The following LCORL variants were observed in gnomAD, a reference collection of about 807,000 sequenced individuals.
The protein encoded by LCORL is ligand-dependent nuclear receptor corepressor-like protein.
Under a neutral mutation model 141.8 loss-of-function variants are expected in LCORL, and 41 were observed. The observed-to-expected ratio is 0.29, with a 90% CI of 0.23 to 0.38. The LOEUF (loss-of-function observed/expected upper bound fraction) is 0.38. Among genes scored for constraint, LCORL ranks in the 10% least tolerant of loss-of-function variants. The probability of loss-of-function intolerance (pLI) is 1.00; values close to 1 mark genes in which losing one functional copy is unlikely to be tolerated. For synonymous variants in LCORL, 618 were observed against 694.1 expected (o/e 0.89, Z 1.72); for missense variants, 1,759 against 2,035.0 (o/e 0.86, Z 2.61).
exon 3 of LCORL, chr4:17,962,973 G>A: frequency 6.4e-7 from 1 of 1,559,922 alleles, no homozygotes; most frequent in Non-Finnish European, 8.7e-7. Flanking sequence ...AACTTACACT[G>A]ACTGCTTCTC....
At chr4:17,851,757 C>T (rs1015246097) in intron 7 of LCORL, among the ~76,000 whole-genome samples, 15 of 152,106 alleles carry the variant, frequency 9.9e-5, no homozygotes, top group African/African-American at 1.7e-4. Flanking sequence ...AAGTGCCCTT[C>T]GGAGACTGTA....
intron 5 of LCORL, among the ~76,000 whole-genome samples, chr4:17,888,521 C>T (rs1484774673): frequency 3.9e-5 from 6 of 152,146 alleles, no homozygotes; most frequent in Non-Finnish European, 8.8e-5. Context: ...CAAACTTCTA[C>T]TCATCAAACT....
At chr4:17,902,471 C>T (rs1731037192) in intron 5 of LCORL, among the ~76,000 whole-genome samples, 1 of 152,060 alleles carries the variant, frequency 6.6e-6, no homozygotes, top group Non-Finnish European at 1.5e-5. Flanking sequence ...CATAGAAAAA[C>T]AAGATAGACA....
At chr4:18,013,864 A>G (rs1724205550) in intron 1 of LCORL, among the ~76,000 whole-genome samples, 1 of 151,686 alleles carries the variant, frequency 6.6e-6, no homozygotes, top group Admixed American at 6.6e-5. Flanking sequence ...GCTGGAGTAC[A>G]GTTGCATGAT....
At chr4:17,913,428 G>C (rs1284623967) in intron 4 of LCORL, among the ~76,000 whole-genome samples, 1 of 152,190 alleles carries the variant, frequency 6.6e-6, no homozygotes, top group Non-Finnish European at 1.5e-5. Context: ...CACAATTAAA[G>C]CAATGGCTAC....
At chr4:17,911,516 C>G (rs568730439) in intron 4 of LCORL, among the ~76,000 whole-genome samples, 2 of 152,290 alleles carry the variant, frequency 1.3e-5, no homozygotes, top group Admixed American at 6.5e-5. Flanking sequence ...CAAATATTAA[C>G]TACACGGTAA....
chr4:17,940,482 A>AT (rs1423986356), intron 4 of LCORL, among the ~76,000 whole-genome samples: 1 of 121,770 alleles, frequency 8.2e-6, no homozygotes, highest in Non-Finnish European at 1.7e-5. Flanking sequence ...TATGTAATAT[A>AT]TATGTATTAT....
At chr4:17,890,208 A>G (rs1385310800) in intron 5 of LCORL, among the ~76,000 whole-genome samples, 1 of 152,130 alleles carries the variant, frequency 6.6e-6, no homozygotes, top group Non-Finnish European at 1.5e-5. Flanking sequence ...TGAACAATAG[A>G]TATTACCAAA....
chr4:17,842,001 AAC>A (rs1722458269), exon 8 of LCORL: 4 of 245,424 alleles, frequency 1.6e-5, no homozygotes, highest in Middle Eastern at 1.4e-3. Context: ...ACTTCATTAT[AAC>A]ACATTTTTCA....
At chr4:18,010,905 T>C (rs1723661864) in intron 1 of LCORL, among the ~76,000 whole-genome samples, 1 of 152,194 alleles carries the variant, frequency 6.6e-6, no homozygotes, top group East Asian at 1.9e-4. Context: ...GCTCCTGGTT[T>C]CTATGAGGAA....
chr4:17,853,397 A>G (rs1724000390), intron 7 of LCORL, among the ~76,000 whole-genome samples: 1 of 152,154 alleles, frequency 6.6e-6, no homozygotes, highest in South Asian at 2.1e-4. Context: ...TCCTCATGGC[A>G]TTAACTAAAT....
intron 1 of LCORL, among the ~76,000 whole-genome samples, chr4:17,996,147 T>C (rs893084527): frequency 9.9e-5 from 15 of 152,116 alleles, no homozygotes; most frequent in South Asian, 2.1e-4. Flanking sequence ...CCTAAGTTCT[T>C]AGGCACAAAT....
At chr4:17,991,826 A>T (rs1434165640) in intron 1 of LCORL, among the ~76,000 whole-genome samples, 2 of 152,214 alleles carry the variant, frequency 1.3e-5, no homozygotes, top group Non-Finnish European at 2.9e-5. Context: ...ATATTTTCTA[A>T]TACCCGCTAA....
intron 5 of LCORL, among the ~76,000 whole-genome samples, chr4:17,903,198 G>C (rs766843606): frequency 2.0e-5 from 3 of 151,942 alleles, no homozygotes; most frequent in Non-Finnish European, 4.4e-5. Context: ...AGACACAAAA[G>C]TGAAAAAAGA....
intron 5 of LCORL, among the ~76,000 whole-genome samples, chr4:17,886,674 T>C (rs1728313014): frequency 6.6e-6 from 1 of 152,080 alleles, no homozygotes; most frequent in African/African-American, 2.4e-5. Context: ...GTGTAAAATT[T>C]TACTCTTTTA....
At chr4:17,980,469 C>T (rs1337901007) in intron 1 of LCORL, among the ~76,000 whole-genome samples, 2 of 152,134 alleles carry the variant, frequency 1.3e-5, no homozygotes, top group Non-Finnish European at 2.9e-5. Context: ...GGCTATTGCC[C>T]TAGAATTGTG....
chr4:17,898,660 T>G (rs939416261), intron 5 of LCORL, among the ~76,000 whole-genome samples: 12 of 151,688 alleles, frequency 7.9e-5, no homozygotes, highest in Admixed American at 5.3e-4. Context: ...CCGTTTTTTT[T>G]TTTTTTTTTT....
At chr4:18,016,908 T>C (rs1002978416) in intron 1 of LCORL, among the ~76,000 whole-genome samples, 4 of 152,130 alleles carry the variant, frequency 2.6e-5, no homozygotes, top group African/African-American at 7.2e-5. Flanking sequence ...AGCTTCTGTA[T>C]CATAAAAATC....
At chr4:17,993,622 G>C (rs980203220) in intron 1 of LCORL, among the ~76,000 whole-genome samples, 1 of 152,214 alleles carries the variant, frequency 6.6e-6, no homozygotes, top group Non-Finnish European at 1.5e-5. Context: ...CAGATCCTGA[G>C]GAGCCTAGTT....
Sources: allele counts gnomAD v4.1 joint callset (sites outside exome capture counted in the v4.1 genomes callset), GRCh38; gene constraint gnomAD v4.1.1; transcripts MANE v1.5; gene names NCBI Gene and HGNC (gene_info 2026-07-23, HGNC 2026-07-21).